Variants in PKP4 observed in about 807,000 individuals in gnomAD.
PKP4 encodes the protein plakophilin 4.
Under a neutral mutation model 145.1 loss-of-function variants are expected in PKP4, and 90 were observed. The ratio of observed to expected loss-of-function variants is 0.62; its 90% confidence interval spans 0.52 to 0.74. PKP4 has a LOEUF of 0.74. Among genes scored for constraint, PKP4 ranks in the 30% least tolerant of loss-of-function variants. PKP4 has a pLI of 0.00. For synonymous variants in PKP4, 563 were observed against 577.2 expected (o/e 0.98, Z 0.35); for missense variants, 1,340 against 1,482.7 (o/e 0.90, Z 1.58).
intron 3 of PKP4, among the ~76,000 whole-genome samples, chr2:158,581,209 C>T (rs966413255): frequency 2.6e-5 from 4 of 152,112 alleles, no homozygotes; most frequent in Non-Finnish European, 4.4e-5. Flanking sequence ...GCCCCCTTTC[C>T]GGTATGCCAT....
intron 2 of PKP4, among the ~76,000 whole-genome samples, chr2:158,537,903 G>A (rs1250377492): frequency 5.9e-5 from 9 of 152,004 alleles, no homozygotes; most frequent in Non-Finnish European, 8.8e-5. Flanking sequence ...GATGGTGTGC[G>A]CCTGTGGTCC....
chr2:158,539,316 A>G (rs1048654866), intron 2 of PKP4, among the ~76,000 whole-genome samples: 4 of 152,208 alleles, frequency 2.6e-5, no homozygotes, highest in South Asian at 2.1e-4. Context: ...CTGTATGGCA[A>G]AATGCCCAGA....
chr2:158,638,011 T>A (rs2053959530), intron 9 of PKP4, among the ~76,000 whole-genome samples: 1 of 152,222 alleles, frequency 6.6e-6, no homozygotes, highest in African/African-American at 2.4e-5. Context: ...TGTCAGGAAA[T>A]CTTGACCCTC....
chr2:158,473,012 C>T (rs991611079), intron 1 of PKP4, among the ~76,000 whole-genome samples: 6 of 152,116 alleles, frequency 3.9e-5, no homozygotes, highest in African/African-American at 1.4e-4. Flanking sequence ...TGAACAGACA[C>T]TTTTCAAAAA....
chr2:158,596,144 T>TGGAGTAATGGCTAA lies in PKP4; in HGVS notation c.246-6926_246-6925insGGAGTAATGGCTAA, dbSNP rs548018566. On this transcript the variant is annotated intron_variant, in intron 3 of 21. Transcript: ENST00000389759. ...GCCTATACATTTGCTAATGGAGTAA[T>TGGAGTAATGGCTAA]TTTGATTAGTGGAAAAATAAAGCCC... is the stretch of plus-strand genomic sequence containing the variant. Among the ~76,000 whole-genome samples the TGGAGTAATGGCTAA allele has an allele frequency of 3.4e-4, 52 of 152,192 alleles. No individual in the cohort carries two copies. The East Asian group carries it at 9.1e-3, about 27-fold the overall frequency.
chr2:158,464,267 C>T (rs1690233985), intron 1 of PKP4, among the ~76,000 whole-genome samples: 1 of 152,272 alleles, frequency 6.6e-6, no homozygotes, highest in African/African-American at 2.4e-5. Context: ...ATAGGGAACT[C>T]GTCAATCCAT....
intron 1 of PKP4, among the ~76,000 whole-genome samples, chr2:158,499,209 A>G (rs981164108): frequency 1.3e-5 from 2 of 152,036 alleles, no homozygotes; most frequent in Admixed American, 6.6e-5. Flanking sequence ...AGATAAAATG[A>G]CCCACTGATT....
At chr2:158,537,129 G>A (rs3771597) in intron 2 of PKP4, among the ~76,000 whole-genome samples, 138,789 of 152,266 alleles carry the variant, frequency 0.91, 63,324 homozygotes, top group East Asian at 0.98. Context: ...CTGTAGCCAC[G>A]TTCACAGAAA....
intron 2 of PKP4, among the ~76,000 whole-genome samples, chr2:158,555,317 G>C (rs1304508231): frequency 1.3e-5 from 2 of 152,174 alleles, no homozygotes; most frequent in Non-Finnish European, 2.9e-5. Flanking sequence ...GCAGGCTTTA[G>C]GGACACCACC....
chr2:158,642,485 G>A lies in PKP4; in HGVS notation c.1696-1G>A, dbSNP rs763645174. On this transcript the variant is annotated splice_acceptor_variant, in intron 10 of 21. Coordinates refer to ENST00000389759, the MANE Select transcript of PKP4 (RefSeq NM_003628.6). LOFTEE classifies it high-confidence loss of function. ...CTGGTACCTAATATTTTTCATTCTA[G>A]GTGTGTAGGTTAGGGGGAATCAAGC... 6.3e-7 allele frequency: 1 copy of A among 1,594,138 alleles called. No homozygotes were observed. Among genetic ancestry groups the A allele is most frequent in the Non-Finnish European group, 8.6e-7 (1 of 1,166,938 alleles).
At chr2:158,632,860 T>C (rs982858023) in intron 8 of PKP4, among the ~76,000 whole-genome samples, 12 of 152,236 alleles carry the variant, frequency 7.9e-5, no homozygotes, top group African/African-American at 2.9e-4. Context: ...CTTTTCCTTA[T>C]GTCTGTAAAT....
At chr2:158,572,696 G>A (rs776029652) in intron 2 of PKP4, among the ~76,000 whole-genome samples, 17 of 152,164 alleles carry the variant, frequency 1.1e-4, no homozygotes, top group East Asian at 1.9e-4. Flanking sequence ...TCCCCCGATA[G>A]TTACGATACC....
intron 2 of PKP4, among the ~76,000 whole-genome samples, chr2:158,564,401 G>C (rs369626474): frequency 6.6e-6 from 1 of 152,118 alleles, no homozygotes; most frequent in South Asian, 2.1e-4. Flanking sequence ...AGATGCCATC[G>C]TTTGTTACAA....
intron 1 of PKP4, among the ~76,000 whole-genome samples, chr2:158,529,792 C>A (rs943235358): frequency 6.6e-6 from 1 of 152,142 alleles, no homozygotes; most frequent in African/African-American, 2.4e-5. Context: ...TGTTTTTAGT[C>A]TCATTAGAGG....
At chr2:158,459,785 T>G (rs1403033891) in intron 1 of PKP4, among the ~76,000 whole-genome samples, 2 of 136,480 alleles carry the variant, frequency 1.5e-5, no homozygotes, top group Non-Finnish European at 3.2e-5. Context: ...TTCAGATGTA[T>G]GGATCACACA....
chr2:158,475,811 C>T (rs1692377940), intron 1 of PKP4, among the ~76,000 whole-genome samples: 2 of 152,168 alleles, frequency 1.3e-5, no homozygotes, highest in South Asian at 4.1e-4. Flanking sequence ...TATCCACCTA[C>T]CAGATAAACT....
chr2:158,513,949 C>T (rs1016288388), intron 1 of PKP4, among the ~76,000 whole-genome samples: 8 of 152,114 alleles, frequency 5.3e-5, no homozygotes, highest in African/African-American at 1.4e-4. Flanking sequence ...CCCTGACGAC[C>T]CCGCTCTCCC....
intron 3 of PKP4, among the ~76,000 whole-genome samples, chr2:158,583,573 T>C (rs761203813): frequency 6.6e-6 from 1 of 152,196 alleles, no homozygotes; most frequent in Admixed American, 6.5e-5. Context: ...CTTTGTAGTG[T>C]AGTTTTACAA....
At chr2:158,571,506 G>T (rs537238627) in intron 2 of PKP4, among the ~76,000 whole-genome samples, 315 of 152,236 alleles carry the variant, frequency 2.1e-3, no homozygotes, top group African/African-American at 3.0e-3. Flanking sequence ...TTGGGTTTGG[G>T]GTGTGGAGGA....
Sources: gnomAD v4.1 joint callset for allele counts (sites outside exome capture counted in the v4.1 genomes callset) on GRCh38, gnomAD v4.1.1 for gene constraint, MANE v1.5 for transcripts, NCBI Gene and HGNC (gene_info 2026-07-23, HGNC 2026-07-21) for gene names.